The following ERMP1 variants were observed in gnomAD, a reference collection of about 807,000 sequenced individuals.
ERMP1 encodes the protein endoplasmic reticulum metallopeptidase 1, also known as Felix-ina.
In ERMP1, 86 loss-of-function variants were observed where a neutral mutation model predicts 92.0. The observed-to-expected ratio is 0.93, with a 90% CI of 0.79 to 1.12. ERMP1 has a LOEUF of 1.12. Among genes scored for constraint, ERMP1 ranks in the 50% most tolerant of loss-of-function variants. The probability of loss-of-function intolerance (pLI) is 0.00; values close to 1 mark genes in which losing one functional copy is unlikely to be tolerated. For synonymous variants in ERMP1, 530 were observed against 412.8 expected, an observed-to-expected ratio of 1.28 and a Z score of -3.44; for missense variants, 1,342 against 1,116.3, an observed-to-expected ratio of 1.20 and a Z score of -2.88.
At position 5,787,165 on chromosome 9, in the gene ERMP1, G is replaced by C. The variant is rs752735099; in HGVS notation, c.2694C>G (p.Thr898=). The stretch of plus-strand genomic sequence containing the variant: ...AAGATTAAAATACAAAGAGATCGTA[G>C]GTGCACACCCAGGCAGAGGGAAATG... ...DWTFPSAWVC[T]YDLFVF Residue 898 remains threonine, a synonymous_variant, in exon 15 of 15, where the codon ACC becomes ACG. Coordinates refer to ENST00000339450, the MANE Select transcript of ERMP1 (RefSeq NM_024896.3). 2 of 1,613,772 alleles carry C rather than the reference G, an allele frequency of 1.2e-6. No homozygotes were observed. Among genetic ancestry groups the C allele is most frequent in the South Asian group, 2.2e-5 (2 of 91,020 alleles).
At chr9:5,831,098 C>G (rs773526078) in intron 1 of ERMP1, 70 bp from the exon 2 acceptor site, 47 of 1,212,246 alleles carry the variant, frequency 3.9e-5, no homozygotes, top group Non-Finnish European at 5.2e-5. Flanking sequence ...AACTTTTCCA[C>G]TACACACCCC....
rs139828490 is a variant in ERMP1 at position 5,809,311 on chromosome 9, C to T, written c.1548+700G>A. ...CTGGGATTACAGGCGTGAGCCACCG[C>T]GCCCGGCCAGCCCTAATTTCTAATT... On this transcript the variant is annotated intron_variant, in intron 8 of 14. Transcript: ENST00000339450. Among the ~76,000 whole-genome samples, 1,161 of 152,338 alleles carry T rather than the reference C, an allele frequency of 7.6e-3. 3 individuals carry two copies. Among genetic ancestry groups the T allele is most frequent in the Non-Finnish European group, 0.011 (739 of 68,030 alleles).
chr9:5,862,594 G>C (rs1265669208), intron 5 of ERMP1, among the ~76,000 whole-genome samples: 1 of 152,122 alleles, frequency 6.6e-6, no homozygotes, highest in Non-Finnish European at 1.5e-5. Flanking sequence ...CTGTCCTTTT[G>C]CCTAAGCCTC....
upstream of ERMP1, among the ~76,000 whole-genome samples, chr9:5,837,672 G>A (rs763976728): frequency 1.2e-4 from 19 of 152,042 alleles, no homozygotes; most frequent in Middle Eastern, 0.01. Flanking sequence ...CTTTCTGTTC[G>A]TGTGTGTGTG....
chr9:5,804,152 C>T (rs1828780299), intron 10 of ERMP1, among the ~76,000 whole-genome samples: 1 of 152,142 alleles, frequency 6.6e-6, no homozygotes, highest in South Asian at 2.1e-4. Context: ...AATCATAGCT[C>T]CTTTTCCTGT....
At position 5,788,583 on chromosome 9, in the gene ERMP1, C is replaced by T. The variant is rs1420695720; in HGVS notation, c.2387-990G>A. On this transcript the variant is annotated intron_variant, in intron 13 of 14. Transcript: ENST00000339450. ...CCTAAAGAATCTGGACTTTCTTACACTGACAGAAAAGGAAGCCATTGCTAG... is the reference window on the plus strand; with the variant it reads ...CCTAAAGAATCTGGACTTTCTTACATTGACAGAAAAGGAAGCCATTGCTAG... Among the ~76,000 whole-genome samples the T allele has an allele frequency of 2.0e-5, 3 of 152,082 alleles. No homozygotes were observed. The East Asian group carries it at 5.8e-4, about 29-fold the overall frequency.
chr9:5,838,607 G>A (rs1478488611), intron 6 of ERMP1, among the ~76,000 whole-genome samples: 7 of 151,904 alleles, frequency 4.6e-5, no homozygotes, highest in Non-Finnish European at 1.0e-4. Flanking sequence ...TATCAAAGGT[G>A]TGATTTCAAA....
intron 4 of ERMP1, among the ~76,000 whole-genome samples, chr9:5,819,294 G>A (rs1283873697): frequency 6.6e-6 from 1 of 152,264 alleles, no homozygotes; most frequent in South Asian, 2.1e-4. Context: ...AAAGCTGTCA[G>A]AATCAAAACA....
intron 13 of ERMP1, 100 bp from the exon 14 acceptor site, chr9:5,787,693 G>A: frequency 8.5e-7 from 1 of 1,177,394 alleles, no homozygotes; most frequent in African/African-American, 1.5e-5. Context: ...ATGCCTGCAT[G>A]ACTTTAAATA....
Position 5,810,227 on chromosome 9 carries a change from A to G in ERMP1, c.1332T>C (p.Gly444=), listed in dbSNP as rs1392118274. Residue 444 remains glycine (G), a synonymous_variant, in exon 8 of 15, where the codon GGT becomes GGC. Coordinates refer to ENST00000339450, the MANE Select transcript of ERMP1 (RefSeq NM_024896.3). ...KKFLQPKHKT[G]NYKKDFLCGL... is the part of the protein sequence containing the mutation. The stretch of plus-strand genomic sequence containing the variant: ...CACACAAGAAGTCCTTCTTGTAGTT[A>G]CCAGCTAATGAAGAGAAAACAAAAA... The G allele has an allele frequency of 1.2e-6, 2 of 1,612,626 alleles. No individual in the cohort carries two copies. Among genetic ancestry groups the G allele is most frequent in the Non-Finnish European group, 1.7e-6 (2 of 1,179,190 alleles).
In ERMP1 at chr9:5,833,098, T is replaced by TCGCTGCCGC; in HGVS notation, c.-80_-72dup. On this transcript the variant is annotated 5_prime_UTR_variant, in exon 1 of 15. Coordinates refer to ENST00000339450, the MANE Select transcript of ERMP1 (RefSeq NM_024896.3). ...GCCCCGGCCGCCGCCGACGCCGCCGTCGCTGCCGCAGCGCCTCCTAGTGAG... is the reference window on the plus strand; with the variant it reads ...GCCCCGGCCGCCGCCGACGCCGCCGTCGCTGCCGCCGCTGCCGCAGCGCCTCCTAGTGAG... 1 of 1,225,140 alleles carries TCGCTGCCGC rather than the reference T, an allele frequency of 8.2e-7. No homozygotes were observed. Among genetic ancestry groups the TCGCTGCCGC allele is most frequent in the Non-Finnish European group, 1.1e-6 (1 of 931,986 alleles). The allele number at this position is 1,225,140 out of a possible 1,614,324, so 75.9% of individuals were successfully genotyped here.
In ERMP1 at chr9:5,787,292, G is replaced by C; in HGVS notation, c.2567C>G (p.Pro856Arg). ...WIEVQVSEEH[P>R]EGMVTVAIAA... ...AATGGCCACGGTGACCATTCCTTCA[G>C]GATGTTCTTCTGAAACCTGCCAGAG... The change falls in exon 15 of 15, where the codon CCT becomes CGT. Residue 856 changes from proline (P) to arginine (R), a missense_variant. Pro to Arg is a moderately radical substitution (Grantham distance 103). Transcript: ENST00000339450. 6.2e-7 allele frequency: 1 copy of C among 1,612,864 alleles called. No individual in the cohort carries two copies. The highest frequency in any genetic ancestry group is 8.5e-7 in the Non-Finnish European group (1 of 1,179,588).
At chr9:5,848,946 T>C (rs1395734246) in intron 6 of ERMP1, among the ~76,000 whole-genome samples, 1 of 152,228 alleles carries the variant, frequency 6.6e-6, no homozygotes, top group Non-Finnish European at 1.5e-5. Flanking sequence ...CTGACCTAGC[T>C]GAGGAAACCA....
At chr9:5,842,615 T>C (rs1830180725) in intron 6 of ERMP1, among the ~76,000 whole-genome samples, 2 of 152,232 alleles carry the variant, frequency 1.3e-5, no homozygotes, top group Non-Finnish European at 2.9e-5. Flanking sequence ...TTGTATATTA[T>C]TCACAGCTGA....
chr9:5,802,628 C>T lies in ERMP1; in HGVS notation c.1915-1300G>A, dbSNP rs920142254. The stretch of plus-strand genomic sequence containing the variant: ...CTTGAACTGCTGACCTTAAGTCATC[C>T]ACCCGCCTCAGCCTCCCAAAGTGCT... On this transcript the variant is annotated intron_variant, in intron 10 of 14. Transcript: ENST00000339450. Among the ~76,000 whole-genome samples, 38 of 152,304 alleles carry T rather than the reference C, an allele frequency of 2.5e-4. No homozygotes were observed. The East Asian group carries it at 5.2e-3, about 21-fold the overall frequency.
intron 4 of ERMP1, among the ~76,000 whole-genome samples, chr9:5,821,387 T>C (rs1829531038): frequency 6.6e-6 from 1 of 152,222 alleles, no homozygotes; most frequent in Admixed American, 6.5e-5. Context: ...TATTAACAGT[T>C]TGTTTACACC....
intron 6 of ERMP1, among the ~76,000 whole-genome samples, chr9:5,855,148 T>C (rs1180888623): frequency 1.3e-5 from 2 of 152,204 alleles, no homozygotes; most frequent in African/African-American, 4.8e-5. Context: ...TTAAATGTAA[T>C]AGCCTAAGAA....
chr9:5,820,048 C>G (rs937848346), intron 4 of ERMP1, among the ~76,000 whole-genome samples: 2 of 152,156 alleles, frequency 1.3e-5, no homozygotes, highest in African/African-American at 4.8e-5. Context: ...ACCTGTAATC[C>G]CAGCACTTTG....
chr9:5,862,039 T>G (rs188255398), intron 5 of ERMP1, among the ~76,000 whole-genome samples: 83 of 152,132 alleles, frequency 5.5e-4, no homozygotes, highest in African/African-American at 1.5e-3. Flanking sequence ...ATGTATGTAT[T>G]TATTTATTGA....
Sources: gnomAD v4.1 joint callset for allele counts (sites outside exome capture counted in the v4.1 genomes callset) on GRCh38, gnomAD v4.1.1 for gene constraint, MANE v1.5 for transcripts, NCBI Gene and HGNC (gene_info 2026-07-23, HGNC 2026-07-21) for gene names.